The following ZNF692 variants were observed in gnomAD, a reference collection of about 807,000 sequenced individuals.
ZNF692 encodes AICAR responsive element binding protein.
In ZNF692, 41 loss-of-function variants were observed where a neutral mutation model predicts 49.0. The ratio of observed to expected loss-of-function variants is 0.84; its 90% CI spans 0.65 to 1.08. The LOEUF (loss-of-function observed/expected upper bound fraction) is 1.08, where lower values mean the gene tolerates loss of function less well. Among genes scored for constraint, ZNF692 ranks in the 50% least tolerant of loss-of-function variants. The pLI, the probability that ZNF692 is intolerant of heterozygous loss-of-function variation, is 0.00. For synonymous variants in ZNF692, 288 were observed against 251.5 expected, an observed-to-expected ratio of 1.15 and a Z score of -1.37; for missense variants, 662 against 662.2, an observed-to-expected ratio of 1.00 and a Z score of 0.00.
At position 248,850,282 on chromosome 1, in the gene ZNF692, C is replaced by T. The variant is rs1409029975; in HGVS notation, c.1488G>A (p.Gly496=). Residue 496 remains glycine, a synonymous_variant, in exon 12 of 12, where the codon GGG becomes GGA. Transcript: ENST00000306601. ...TGGACCCCTCGCTGGATCCCAGAGG[C>T]CCAGGGGCAGAGATGCTGGGACAGG... ...LEPCPSISAP[G]PLGSSEGSRP... 2.5e-6 allele frequency: 4 copies of T among 1,606,142 alleles called. No individual in the cohort carries two copies. The highest frequency in any genetic ancestry group is 1.7e-5 in the Admixed American group (1 of 59,314).
In ZNF692 at chr1:248,858,628, A is replaced by C; in HGVS notation, c.-13+290T>G. 7.0e-7 allele frequency: 1 copy of C among 1,425,718 alleles called. No individual in the cohort carries two copies. The allele number at this position is 1,425,718 out of a possible 1,614,324, so 88.3% of individuals were successfully genotyped here. A position where few individuals can be genotyped will look rare whatever the true frequency, so the allele number is the denominator to read the frequency against. ...AAGGGGCGAGAGACTTTCACGGGAA[A>C]TTTCAACTGGGCTGGGGGCGGTCCA... is the stretch of plus-strand genomic sequence containing the variant. On this transcript the variant is annotated intron_variant, in intron 1 of 11. Coordinates refer to ENST00000306601, the MANE Select transcript of ZNF692 (RefSeq NM_017865.4). This position sits in a 1 kb window ranked among gnomAD's most constrained non-coding sequence, Gnocchi z 4.3.
Position 248,855,907 on chromosome 1 carries a change from G to A in ZNF692, c.699C>T (p.Val233=). 1 of 1,614,136 alleles carries A rather than the reference G, an allele frequency of 6.2e-7. No individual in the cohort carries two copies. The highest frequency in any genetic ancestry group is 8.5e-7 in the Non-Finnish European group (1 of 1,180,022). Residue 233 remains valine (V), a synonymous_variant, in exon 7 of 12, where the codon GTC becomes GTT. Transcript: ENST00000306601. ...PDAPRLLPSP[V]TCTPKEGETP... ...TCTCCCCCTCTTTAGGTGTGCAGGT[G>A]ACAGGGGAAGGCAGTAGTCTGGGGG...
In ZNF692 at chr1:248,858,639, G is replaced by T; in HGVS notation, c.-13+279C>A. The T allele has an allele frequency of 7.6e-7, 1 of 1,315,256 alleles. No individual in the cohort carries two copies. Among genetic ancestry groups the T allele is most frequent in the Non-Finnish European group, 1.1e-6 (1 of 933,266 alleles). 81.5% of individuals were successfully genotyped at this position (1,315,256 alleles called of 1,614,324 possible). A position where few individuals can be genotyped will look rare whatever the true frequency, so the allele number is the denominator to read the frequency against. On this transcript the variant is annotated intron_variant, in intron 1 of 11. Coordinates refer to ENST00000306601, the MANE Select transcript of ZNF692 (RefSeq NM_017865.4). This position sits in a 1 kb window ranked among gnomAD's most constrained non-coding sequence, Gnocchi z 4.3. ...GACTTTCACGGGAAATTTCAACTGG[G>T]CTGGGGGCGGTCCACACATTTCATC...
Position 248,858,213 on chromosome 1 carries a change from C to G in ZNF692, c.97G>C (p.Gly33Arg), listed in dbSNP as rs144108516. 1.7e-5 allele frequency: 27 copies of G among 1,592,474 alleles called. No homozygotes were observed. Among genetic ancestry groups the G allele is most frequent in the Admixed American group, 3.4e-5 (2 of 59,230 alleles). ...AGGAGGCACCACTGCTCCATGTGGC[C>G]GCCCAGGCGGATGCGGCACTTGCTG... ...RRSKCRIRLG[G>R]HMEQWCLLKE... Residue 33 changes from glycine (G) to arginine (R), a missense_variant, in exon 2 of 12, where the codon GGC (glycine) becomes CGC (arginine). By Grantham distance (125) the Gly-to-Arg change is moderately radical (BLOSUM62 -2). Transcript: ENST00000306601. This position sits in a 1 kb window ranked among gnomAD's most constrained non-coding sequence, Gnocchi z 4.3.
chr1:248,858,098 A>G lies in ZNF692; in HGVS notation c.179+33T>C, dbSNP rs1326800358. 27 of 1,551,740 alleles carry G rather than the reference A, an allele frequency of 1.7e-5. No homozygotes were observed. Among genetic ancestry groups the G allele is most frequent in the Non-Finnish European group, 2.3e-5 (27 of 1,152,378 alleles). ...GGAGGCTAGGGGCTGCTGCCTGGGT[A>G]CCCTCCCCCAAGCCCTTCTCCCGGC... On this transcript the variant is annotated intron_variant, in intron 2 of 11. Transcript: ENST00000306601. The surrounding 1 kb of genome is among the most constrained non-coding windows in gnomAD (Gnocchi z 4.3).
At chr1:248,852,957 C>T (rs1285160293) in intron 10 of ZNF692, among the ~76,000 whole-genome samples, 2 of 152,186 alleles carry the variant, frequency 1.3e-5, no homozygotes, top group African/African-American at 4.8e-5. Context: ...CTCCCCTGAT[C>T]TCCACATTCA....
Position 248,850,524 on chromosome 1 carries a change from CAG to C in ZNF692, c.1254-10_1254-9del, listed in dbSNP as rs746105582. The C allele has an allele frequency of 3.7e-6, 6 of 1,600,294 alleles. No homozygotes were observed. Among genetic ancestry groups the C allele is most frequent in the African/African-American group, 2.7e-5 (2 of 74,706 alleles). On this transcript the variant is annotated splice_polypyrimidine_tract_variant and intron_variant, in intron 11 of 11. Transcript: ENST00000306601. ...AACCCGCATATCTCACACCTGGAGT[CAG>C]GGACAGAAGAGGGAAGGAACAAGGC...
At chr1:248,857,551 C>T in intron 3 of ZNF692, 54 bp from the exon 4 acceptor site, 1 of 1,565,086 alleles carries the variant, frequency 6.4e-7, no homozygotes, top group Non-Finnish European at 8.6e-7. Context: ...CTCCTCTTAC[C>T]CTGGAGAGCC....
Position 248,858,332 on chromosome 1 carries a change from G to A in ZNF692, c.-12-11C>T, listed in dbSNP as rs1159726457. The A allele has an allele frequency of 6.5e-7, 1 of 1,542,178 alleles. No homozygotes were observed. The highest frequency in any genetic ancestry group is 1.4e-5 in the African/African-American group (1 of 73,514). On this transcript the variant is annotated splice_polypyrimidine_tract_variant and intron_variant, in intron 1 of 11. Coordinates refer to ENST00000306601, the MANE Select transcript of ZNF692 (RefSeq NM_017865.4). This position sits in a 1 kb window ranked among gnomAD's most constrained non-coding sequence, Gnocchi z 4.3. Reference sequence around the variant, plus strand: ...CATGTGCACCAGAGGCTGGAGGGTGGAAGGGACGTCTTCAGCGCCCTGCCG... The same window carrying A: ...CATGTGCACCAGAGGCTGGAGGGTGAAAGGGACGTCTTCAGCGCCCTGCCG...
intron 6 of ZNF692, 138 bp downstream of exon 6, chr1:248,856,150 T>C (rs1228810258): frequency 5.7e-6 from 8 of 1,410,706 alleles, no homozygotes; most frequent in Non-Finnish European, 7.6e-6. Flanking sequence ...TCAAAGCCTC[T>C]AGTTCTTTTT....
Position 248,855,905 on chromosome 1 carries a change from G to T in ZNF692, c.701C>A (p.Thr234Asn), listed in dbSNP as rs150141583. Residue 234 changes from threonine (T) to asparagine (N), a missense_variant, in exon 7 of 12, where the codon ACC (threonine) becomes AAC (asparagine). By Grantham distance (65) the Thr-to-Asn change is moderately conservative (BLOSUM62 0). Transcript: ENST00000306601. ...DAPRLLPSPV[T>N]CTPKEGETPP... ...TGTCTCCCCCTCTTTAGGTGTGCAG[G>T]TGACAGGGGAAGGCAGTAGTCTGGG... 1 of 1,614,164 alleles carries T rather than the reference G, an allele frequency of 6.2e-7. No homozygotes were observed. Among genetic ancestry groups the T allele is most frequent in the African/African-American group, 1.3e-5 (1 of 75,038 alleles).
chr1:248,857,357 G>A lies in ZNF692; in HGVS notation c.352C>T (p.His118Tyr). ...AAAGAGGGTCCCCAGGAGAAGGTAT[G>A]GCCTGCTGAGCACTCCCACACAAGC... ...GGLVWECSAG[H>Y]TFSWGPSLSP... Residue 118 changes from histidine (H) to tyrosine (Y), a missense_variant, in exon 4 of 12, where the codon CAT becomes TAT. Transcript: ENST00000306601. 6.2e-7 allele frequency: 1 copy of A among 1,614,140 alleles called. No homozygotes were observed. The highest frequency in any genetic ancestry group is 8.5e-7 in the Non-Finnish European group (1 of 1,180,018).
chr1:248,858,426 C>T lies in ZNF692; in HGVS notation c.-12-105G>A. ...CAGTTTCCTCATCAGTGAACTGGGG[C>T]AAGACTAAACTATTTCAATAGCAGT... On this transcript the variant is annotated intron_variant, in intron 1 of 11. Transcript: ENST00000306601. The surrounding 1 kb of genome is among the most constrained non-coding windows in gnomAD (Gnocchi z 4.3). 1.3e-6 allele frequency: 2 copies of T among 1,551,028 alleles called. No individual in the cohort carries two copies. The highest frequency in any genetic ancestry group is 1.7e-6 in the Non-Finnish European group (2 of 1,146,420).
intron 4 of ZNF692, among the ~76,000 whole-genome samples, chr1:248,856,854 G>A (rs556160541): frequency 2.0e-5 from 3 of 152,268 alleles, no homozygotes; most frequent in Admixed American, 6.5e-5. Flanking sequence ...TTCTGTTTCA[G>A]AGATGATATT....
At position 248,858,610 on chromosome 1, in the gene ZNF692, G is replaced by A. The variant is rs752417862; in HGVS notation, c.-12-289C>T. ...TGAAGTGGAGCTGTGGGGAAGGGGC[G>A]AGAGACTTTCACGGGAAATTTCAAC... On this transcript the variant is annotated intron_variant, in intron 1 of 11. Transcript: ENST00000306601. This position sits in a 1 kb window ranked among gnomAD's most constrained non-coding sequence, Gnocchi z 4.3. 1.3e-6 allele frequency: 2 copies of A among 1,512,448 alleles called. No individual in the cohort carries two copies. The highest frequency in any genetic ancestry group is 1.8e-6 in the Non-Finnish European group (2 of 1,111,572). The allele number at this position is 1,512,448 out of a possible 1,614,324, so 93.7% of individuals were successfully genotyped here.
At position 248,858,609 on chromosome 1, in the gene ZNF692, CGA is replaced by C. The variant is rs1558263563; in HGVS notation, c.-12-290_-12-289del. ...CTGAAGTGGAGCTGTGGGGAAGGGG[CGA>C]GAGACTTTCACGGGAAATTTCAACT... On this transcript the variant is annotated intron_variant, in intron 1 of 11. Coordinates refer to ENST00000306601, the MANE Select transcript of ZNF692 (RefSeq NM_017865.4). The surrounding 1 kb of genome is among the most constrained non-coding windows in gnomAD (Gnocchi z 4.3). 1.3e-6 allele frequency: 2 copies of C among 1,514,422 alleles called. No individual in the cohort carries two copies. The highest frequency in any genetic ancestry group is 2.4e-5 in the South Asian group (2 of 83,330). 93.8% of individuals were successfully genotyped at this position (1,514,422 alleles called of 1,614,324 possible).
At chr1:248,855,656 G>C in intron 7 of ZNF692, 21 bp from the exon 8 acceptor site, 1 of 1,614,224 alleles carries the variant, frequency 6.2e-7, no homozygotes, top group Non-Finnish European at 8.5e-7. Flanking sequence ...CAAAGAGGGA[G>C]CAGAGGGCCT....
Position 248,855,794 on chromosome 1 carries a change from G to A in ZNF692, c.812C>T (p.Ala271Val). The A allele has an allele frequency of 6.2e-7, 1 of 1,614,214 alleles. No homozygotes were observed. The highest frequency in any genetic ancestry group is 1.7e-5 in the Admixed American group (1 of 60,022). The stretch of plus-strand genomic sequence containing the variant: ...GAGCTGTGGCTGCACCCTGACTTCT[G>A]CAGGTGGAGGAGCTCTGGAACTCAA... The part of the protein sequence containing the change: ...SSLSSRAPPP[A>V]EVRVQPQLSR... The change falls in exon 7 of 12, where the codon GCA (alanine) becomes GTA (valine). Residue 271 changes from alanine to valine, a missense_variant. Ala to Val is a moderately conservative substitution (Grantham distance 64). Transcript: ENST00000306601.
chr1:248,858,697 G>A lies in ZNF692; in HGVS notation c.-13+221C>T. ...GGGCAGCGGCCTTTACTGGTTTCTA[G>A]GGGAAGGAAAGGTCGTGTCCTGGCG... On this transcript the variant is annotated intron_variant, in intron 1 of 11. Transcript: ENST00000306601. The surrounding 1 kb of genome is among the most constrained non-coding windows in gnomAD (Gnocchi z 4.3). 4.9e-6 allele frequency: 4 copies of A among 809,182 alleles called. No homozygotes were observed. The South Asian group carries it at 6.1e-5, about 12-fold the overall frequency. The allele number at this position is 809,182 out of a possible 1,614,324, so 50.1% of individuals were successfully genotyped here.
Sources: gnomAD v4.1 joint callset for allele counts (sites outside exome capture counted in the v4.1 genomes callset) on GRCh38, gnomAD v4.1.1 for gene constraint, Gnocchi (gnomAD v3.1) non-coding constraint, MANE v1.5 for transcripts, NCBI Gene and HGNC (gene_info 2026-07-23, HGNC 2026-07-21) for gene names.